Variants in P3H4 observed in about 807,000 individuals in gnomAD.
The protein encoded by P3H4 is endoplasmic reticulum protein SC65.
A neutral mutation model predicts 52.9 loss-of-function variants in P3H4; 47 were observed. The observed-to-expected ratio is 0.89, with a 90% CI of 0.70 to 1.13. The LOEUF is 1.13. P3H4 is among the 50% of genes most tolerant of loss of function. P3H4 has a pLI of 0.00. For synonymous variants in P3H4, 256 were observed against 267.9 expected (o/e 0.96, Z 0.44); for missense variants, 585 against 611.0 (o/e 0.96, Z 0.45).
At chr17:41,803,266 C>G (rs200125154) in intron 7 of P3H4, 21 bp downstream of exon 7, 6 of 1,607,056 alleles carry the variant, frequency 3.7e-6, no homozygotes, top group Non-Finnish European at 4.3e-6. Context: ...TCCCCACCCC[C>G]CAAGGACTCG....
rs782064485 is a variant in P3H4 at position 41,811,135 on chromosome 17, GTAGGGCTGGGCCTC to G, written c.598_611del (p.Glu200ArgfsTer42). On this transcript the variant is annotated frameshift_variant, in exon 2 of 8. Transcript: ENST00000393928. LOFTEE classifies it high-confidence loss of function. The surrounding 1 kb of genome is among the most constrained non-coding windows in gnomAD (Gnocchi z 4.8). ...TCCTCCTGACCCTCCACCCCACCTCGTAGGGCTGGGCCTCTAGGTCCGTGAGGGACTCGTCGGCG... is the reference window on the plus strand; with the variant it reads ...TCCTCCTGACCCTCCACCCCACCTCGTAGGTCCGTGAGGGACTCGTCGGCG... 1.2e-6 allele frequency: 2 copies of G among 1,614,016 alleles called. No individual in the cohort carries two copies. The highest frequency in any genetic ancestry group is 1.7e-6 in the Non-Finnish European group (2 of 1,180,014).
In P3H4 at chr17:41,811,263, C is replaced by G. The variant is rs782691768; in HGVS notation, c.484G>C (p.Val162Leu). 6.2e-7 allele frequency: 1 copy of G among 1,613,560 alleles called. No homozygotes were observed. Among genetic ancestry groups the G allele is most frequent in the South Asian group, 1.1e-5 (1 of 91,090 alleles). ...TGGAGGAAGGTGTAGGCCGCCGCCA[C>G]CGCCTTCTCCAGCCGGTTAGCCTGG... ...LFKANRLEKA[V>L]AAAYTFLQRN... The change falls in exon 2 of 8, where the codon GTG becomes CTG. Residue 162 changes from valine (V) to leucine (L), a missense_variant. By Grantham distance (32) the Val-to-Leu change is conservative. Transcript: ENST00000393928. The surrounding 1 kb of genome is among the most constrained non-coding windows in gnomAD (Gnocchi z 4.8).
Position 41,811,623 on chromosome 17 carries a change from T to A in P3H4, c.293A>T (p.Glu98Val). 1 of 1,480,378 alleles carries A rather than the reference T, an allele frequency of 6.8e-7. No individual in the cohort carries two copies. Among genetic ancestry groups the A allele is most frequent in the Non-Finnish European group, 8.9e-7 (1 of 1,125,714 alleles). The allele number at this position is 1,480,378 out of a possible 1,614,324, so 91.7% of individuals were successfully genotyped here. A position where few individuals can be genotyped will look rare whatever the true frequency, so the allele number is the denominator to read the frequency against. ...KPDPDGGRAD[E>V]WACELRLFGR... ...GAAGAGCCGCAGCTCGCAGGCCCAC[T>A]CGTCTGCGCGGCCGCCGTCGGGATC... Residue 98 changes from glutamate to valine, a missense_variant, in exon 1 of 8, where the codon GAG becomes GTG. Transcript: ENST00000393928. This position sits in a 1 kb window ranked among gnomAD's most constrained non-coding sequence, Gnocchi z 4.8.
chr17:41,809,658 C>T (rs991978972), intron 4 of P3H4, 48 bp downstream of exon 4: 3 of 1,598,340 alleles, frequency 1.9e-6, no homozygotes, highest in African/African-American at 2.7e-5. Context: ...CAGTCCTCTC[C>T]CTTATCACCT....
chr17:41,810,831 G>A (rs2047722412), intron 3 of P3H4, 32 bp downstream of exon 3: 3 of 1,592,176 alleles, frequency 1.9e-6, no homozygotes, highest in Admixed American at 1.7e-5. Flanking sequence ...GTGGGTGAGA[G>A]GACCGCCCAC....
At chr17:41,810,798 G>GGAC in intron 3 of P3H4, 65 bp downstream of exon 3, 1 of 1,543,164 alleles carries the variant, frequency 6.5e-7, no homozygotes, top group Non-Finnish European at 8.8e-7. Flanking sequence ...TGCATGAAGG[G>GGAC]GACATCTGCC....
At position 41,809,849 on chromosome 17, in the gene P3H4, C is replaced by T. The variant is rs782109085; in HGVS notation, c.788-15G>A. 1.9e-6 allele frequency: 3 copies of T among 1,606,010 alleles called. No homozygotes were observed. The highest frequency in any genetic ancestry group is 2.6e-6 in the Non-Finnish European group (3 of 1,174,368). ...TGCAAAGAGATCTGAGGGTGGGAGG[C>T]AGCAGTGAGAGGCTGGCATTGCAAT... is the stretch of plus-strand genomic sequence containing the variant. On this transcript the variant is annotated splice_polypyrimidine_tract_variant and intron_variant, in intron 3 of 7. Transcript: ENST00000393928.
chr17:41,807,026 A>G, intron 5 of P3H4, 147 bp from the exon 6 acceptor site: 1 of 629,732 alleles, frequency 1.6e-6, no homozygotes, highest in Non-Finnish European at 2.8e-6. Context: ...TCATCAGATC[A>G]TCGTGGCTGC....
intron 6 of P3H4, among the ~76,000 whole-genome samples, chr17:41,805,938 G>C (rs1274317331): frequency 1.3e-5 from 2 of 151,976 alleles, no homozygotes; most frequent in Non-Finnish European, 2.9e-5. Context: ...AATGTTAATA[G>C]GGCCGGGTGC....
intron 6 of P3H4, among the ~76,000 whole-genome samples, chr17:41,804,483 C>CTGGGTA (rs1380668494): frequency 2.6e-5 from 4 of 151,668 alleles, no homozygotes; most frequent in African/African-American, 9.7e-5. Context: ...CAAAAATTAG[C>CTGGGTA]TGGGTATGGT....
Position 41,802,850 on chromosome 17 carries a change from C to T in P3H4, c.*107G>A. ...TACAGGTGTGAGCCACCGCACCTGG[C>T]CCATCTTAAGTTTTTAATAAATAGT... On this transcript the variant is annotated 3_prime_UTR_variant, in exon 8 of 8. Coordinates refer to ENST00000393928, the MANE Select transcript of P3H4 (RefSeq NM_006455.3). 6 of 1,211,280 alleles carry T rather than the reference C, an allele frequency of 5.0e-6. No homozygotes were observed. The highest frequency in any genetic ancestry group is 7.2e-6 in the Non-Finnish European group (6 of 834,870). 75.0% of individuals were successfully genotyped at this position (1,211,280 alleles called of 1,614,324 possible).
At chr17:41,807,595 T>C (rs1411528710) in intron 5 of P3H4, 5 of 258,348 alleles carry the variant, frequency 1.9e-5, no homozygotes, top group South Asian at 6.4e-5. Context: ...CCTCCCAGGT[T>C]CACGCCATTC....
chr17:41,804,878 C>G (rs2047657071), intron 6 of P3H4, among the ~76,000 whole-genome samples: 2 of 151,930 alleles, frequency 1.3e-5, no homozygotes, highest in African/African-American at 4.8e-5. Flanking sequence ...GAGGCTGAGA[C>G]AGGAGGATCT....
intron 5 of P3H4, 60 bp downstream of exon 5, chr17:41,807,799 C>A (rs1005578712): frequency 1.8e-5 from 28 of 1,565,530 alleles, no homozygotes; most frequent in Non-Finnish European, 2.3e-5. Context: ...CGCCCGGCCG[C>A]CAGGAGTTCA....
At chr17:41,810,267 A>T (rs1394957482) in intron 3 of P3H4, among the ~76,000 whole-genome samples, 6 of 140,136 alleles carry the variant, frequency 4.3e-5, no homozygotes, top group Non-Finnish European at 9.0e-5. Flanking sequence ...TCCGCCTCCC[A>T]GGTTCAAGCG....
At chr17:41,809,644 C>T (rs1428706853) in intron 4 of P3H4, 62 bp downstream of exon 4, 2 of 1,561,890 alleles carry the variant, frequency 1.3e-6, no homozygotes, top group Admixed American at 1.7e-5. Context: ...GGGAGGCTCC[C>T]ATACAGTCCT....
At chr17:41,810,196 CAG>C (rs1402826743) in intron 3 of P3H4, among the ~76,000 whole-genome samples, 1 of 120,250 alleles carries the variant, frequency 8.3e-6, no homozygotes, top group Non-Finnish European at 1.7e-5. Flanking sequence ...TTTTTTGAGA[CAG>C]AGTCTCGCCC....
At position 41,803,205 on chromosome 17, in the gene P3H4, C is replaced by T. The variant is rs113885773; in HGVS notation, c.1291+82G>A. On this transcript the variant is annotated intron_variant, in intron 7 of 7. Coordinates refer to ENST00000393928, the MANE Select transcript of P3H4 (RefSeq NM_006455.3). The stretch of plus-strand genomic sequence containing the variant: ...CAGCACCCACACACACCCTGGGCTC[C>T]GGAGCCCAGCGGGTGAATGCATCTG... The T allele has an allele frequency of 2.4e-5, 37 of 1,540,602 alleles. 1 individual carries two copies. Among genetic ancestry groups the T allele is most frequent in the African/African-American group, 1.6e-4 (12 of 73,394 alleles).
Position 41,811,447 on chromosome 17 carries a change from C to T in P3H4, c.462+7G>A. 4 of 1,611,944 alleles carry T rather than the reference C, an allele frequency of 2.5e-6. No homozygotes were observed. The highest frequency in any genetic ancestry group is 3.4e-6 in the Non-Finnish European group (4 of 1,179,538). ...AGACAGGTCCCCGGGTGGGGGCGGG[C>T]TCCCACCTTGAACAGCGCGTAGTGC... On this transcript the variant is annotated splice_region_variant and intron_variant, in intron 1 of 7. Transcript: ENST00000393928. The surrounding 1 kb of genome is among the most constrained non-coding windows in gnomAD (Gnocchi z 4.8).
Sources: allele counts gnomAD v4.1 joint callset (sites outside exome capture counted in the v4.1 genomes callset), GRCh38; gene constraint gnomAD v4.1.1; non-coding constraint Gnocchi (gnomAD v3.1); transcripts MANE v1.5; gene names NCBI Gene and HGNC (gene_info 2026-07-23, HGNC 2026-07-21).